The following PDXDC1 variants were observed in gnomAD, a reference collection of about 807,000 sequenced individuals.
PDXDC1 encodes pyridoxal-dependent decarboxylase domain-containing protein 1.
In PDXDC1, 42 loss-of-function variants were observed where a neutral mutation model predicts 100.1. The observed-to-expected ratio is 0.42, with a 90% CI of 0.33 to 0.54. The LOEUF is 0.54. Among genes scored for constraint, PDXDC1 ranks in the 20% least tolerant of loss-of-function variants. The probability of loss-of-function intolerance (pLI) is 0.10; values close to 1 mark genes in which losing one functional copy is unlikely to be tolerated. For missense variants in PDXDC1, 636 were observed against 979.2 expected (o/e 0.65, Z 4.68); for synonymous variants, 260 against 371.7 (o/e 0.70, Z 3.46).
intron 2 of PDXDC1, 47 bp downstream of exon 2, chr16:14,997,873 G>A (rs1319685724): frequency 6.4e-7 from 1 of 1,558,070 alleles, no homozygotes; most frequent in Admixed American, 2.0e-5. Context: ...AGCCTGCTGT[G>A]AAGCCAGTGG....
At chr16:15,122,378 TC>T (rs1309951354) in intron 16 of PDXDC1, among the ~76,000 whole-genome samples, 1 of 145,882 alleles carries the variant, frequency 6.9e-6, no homozygotes, top group East Asian at 2.1e-4. Context: ...GCCCGACTAA[TC>T]TTTTTTGGAA....
At chr16:15,016,698 T>C (rs1324428588) in intron 9 of PDXDC1, among the ~76,000 whole-genome samples, 2 of 152,300 alleles carry the variant, frequency 1.3e-5, no homozygotes, top group South Asian at 2.1e-4. Flanking sequence ...ACAAAGCTCA[T>C]GTTCTGCTGG....
intron 17 of PDXDC1, chr16:15,032,648 T>A: frequency 3.3e-6 from 1 of 303,178 alleles, no homozygotes; most frequent in Non-Finnish European, 5.7e-6. Context: ...AGTGAGACCC[T>A]GCTTTAAAAA....
At chr16:15,063,552 C>CA (rs2044811422) in intron 16 of PDXDC1, among the ~76,000 whole-genome samples, 1 of 151,546 alleles carries the variant, frequency 6.6e-6, no homozygotes, top group South Asian at 2.1e-4. Context: ...ACTAAAAATA[C>CA]AAAAAATTAG....
intron 16 of PDXDC1, among the ~76,000 whole-genome samples, chr16:15,065,975 A>G (rs1292243825): frequency 6.6e-6 from 1 of 152,252 alleles, no homozygotes; most frequent in African/African-American, 2.4e-5. Context: ...AAAGACAATT[A>G]TGTTTTTAAT....
chr16:15,140,134 A>T (rs1394924501), downstream of PDXDC1, among the ~76,000 whole-genome samples: 2 of 138,160 alleles, frequency 1.4e-5, no homozygotes, highest in African/African-American at 5.3e-5. Context: ...GAAAGGGAGG[A>T]GAGAGAGAAG....
intron 16 of PDXDC1, among the ~76,000 whole-genome samples, chr16:15,106,741 C>G (rs1170935710): frequency 9.8e-6 from 1 of 101,886 alleles, no homozygotes; most frequent in Admixed American, 1.2e-4. Context: ...GGTGACACAG[C>G]AAGACTCCAT....
chr16:15,034,205 C>T (rs1235649170), intron 19 of PDXDC1, 81 bp from the exon 20 acceptor site: 2 of 1,177,652 alleles, frequency 1.7e-6, no homozygotes, highest in African/African-American at 1.5e-5. Context: ...TTGAAAAATT[C>T]CCTCAGTGCT....
At chr16:15,034,609 T>C in intron 21 of PDXDC1, 56 bp downstream of exon 21, 1 of 1,277,098 alleles carries the variant, frequency 7.8e-7, no homozygotes, top group Non-Finnish European at 1.1e-6. Context: ...TTTCACCAAA[T>C]GCCCTTGGGT....
At chr16:15,024,501 G>C (rs2042438303) in intron 13 of PDXDC1, among the ~76,000 whole-genome samples, 2 of 152,006 alleles carry the variant, frequency 1.3e-5, no homozygotes, top group African/African-American at 4.8e-5. Context: ...CCGCCTCCTG[G>C]GTCCCTGTTC....
At chr16:14,997,167 TG>T (rs1972155750) in intron 1 of PDXDC1, among the ~76,000 whole-genome samples, 1 of 152,216 alleles carries the variant, frequency 6.6e-6, no homozygotes, top group Non-Finnish European at 1.5e-5. Flanking sequence ...ATTATAATTC[TG>T]CAGAAAAATT....
chr16:15,132,817 G>A, intron 16 of PDXDC1: 4 of 1,397,634 alleles, frequency 2.9e-6, no homozygotes, highest in Non-Finnish European at 4.0e-6. Context: ...TGCGTATCTG[G>A]GCTCGGCGCT....
At chr16:14,997,555 A>C (rs1972249419) in intron 1 of PDXDC1, among the ~76,000 whole-genome samples, 198 bp from the exon 2 acceptor site, 1 of 152,280 alleles carries the variant, frequency 6.6e-6, no homozygotes, top group Non-Finnish European at 1.5e-5. Context: ...TAAAAATAAA[A>C]ACAGCGGCTT....
chr16:15,064,529 G>C (rs1422751763), intron 16 of PDXDC1, among the ~76,000 whole-genome samples: 1 of 152,142 alleles, frequency 6.6e-6, no homozygotes, highest in Non-Finnish European at 1.5e-5. Flanking sequence ...GTCTCTAGAG[G>C]AAGGAACAAG....
At chr16:14,999,798 A>C (rs1366300434) in intron 3 of PDXDC1, among the ~76,000 whole-genome samples, 5 of 152,288 alleles carry the variant, frequency 3.3e-5, no homozygotes, top group Non-Finnish European at 5.9e-5. Flanking sequence ...AAATTTTCAC[A>C]AGACATTAGC....
intron 16 of PDXDC1, among the ~76,000 whole-genome samples, chr16:15,067,278 C>T (rs1182684376): frequency 4.7e-5 from 7 of 150,448 alleles, no homozygotes; most frequent in East Asian, 1.9e-4. Context: ...TTCTCCAATT[C>T]GCTTTCTCCA....
chr16:15,136,014 G>A, intron 16 of PDXDC1: 6 of 1,541,060 alleles, frequency 3.9e-6, no homozygotes, highest in Middle Eastern at 2.3e-4. Flanking sequence ...CTGTGGCTGG[G>A]TGTGGCTCCC....
intron 16 of PDXDC1, chr16:15,131,410 C>G: frequency 8.7e-6 from 14 of 1,607,472 alleles, no homozygotes; most frequent in Non-Finnish European, 1.1e-5. Context: ...CACCACGTCA[C>G]TGAGGTTAGC....
chr16:15,033,086 G>C (rs1362453315), intron 18 of PDXDC1, 107 bp downstream of exon 18: 1 of 976,868 alleles, frequency 1.0e-6, no homozygotes, highest in Admixed American at 1.9e-5. Context: ...CTCGGGCTGG[G>C]TTCCAGGCGA....
Sources: gnomAD v4.1 joint callset for allele counts (sites outside exome capture counted in the v4.1 genomes callset) on GRCh38, gnomAD v4.1.1 for gene constraint, MANE v1.5 for transcripts, NCBI Gene and HGNC (gene_info 2026-07-23, HGNC 2026-07-21) for gene names.